Variants in LARGE1 observed in about 807,000 individuals in gnomAD.
LARGE1 encodes the protein xylosyl- and glucuronyltransferase LARGE1.
A neutral mutation model predicts 87.6 loss-of-function variants in LARGE1; 43 were observed. The observed-to-expected ratio is 0.49, with a 90% CI of 0.38 to 0.63. The LOEUF (loss-of-function observed/expected upper bound fraction) is 0.63, where lower values mean the gene tolerates loss of function less well. Ranked by LOEUF, LARGE1 falls within the 30% of genes least tolerant of loss-of-function variation. The probability of loss-of-function intolerance (pLI) is 0.00; values close to 1 mark genes in which losing one functional copy is unlikely to be tolerated. For missense variants in LARGE1, 802 were observed against 1,000.2 expected (o/e 0.80, Z 2.67); for synonymous variants, 434 against 394.6 (o/e 1.10, Z -1.18).
chr22:33,232,063 G>C (rs1926032553), intron 11 of LARGE1, among the ~76,000 whole-genome samples: 1 of 152,104 alleles, frequency 6.6e-6, no homozygotes. Flanking sequence ...GTTAGCAGAG[G>C]GGTCAGGATT....
At chr22:33,472,323 A>G (rs1221202181) in intron 6 of LARGE1, among the ~76,000 whole-genome samples, 1 of 152,226 alleles carries the variant, frequency 6.6e-6, no homozygotes, top group African/African-American at 2.4e-5. Context: ...GGAGACAAAG[A>G]GAGAGACAGG....
chr22:33,166,769 G>A (rs1291144185), exon 12 of LARGE1: 1 of 471,394 alleles, frequency 2.1e-6, no homozygotes, highest in Non-Finnish European at 4.4e-6. Flanking sequence ...ACAATTATAG[G>A]CATGTGTTTG....
chr22:33,897,622 C>T (rs1003627244), intron 1 of LARGE1, among the ~76,000 whole-genome samples: 11 of 152,220 alleles, frequency 7.2e-5, no homozygotes, highest in Non-Finnish European at 1.5e-4. Flanking sequence ...GCGGAACCTA[C>T]AGACAGCCAA....
chr22:33,317,123 A>C, intron 10 of LARGE1, among the ~76,000 whole-genome samples: 1 of 152,146 alleles, frequency 6.6e-6, no homozygotes, highest in Non-Finnish European at 1.5e-5. Flanking sequence ...CTGAGGCAGG[A>C]GAATCTCCTG....
chr22:33,479,153 G>A (rs77950631), intron 6 of LARGE1, among the ~76,000 whole-genome samples: 1,526 of 152,308 alleles, frequency 0.01, 26 homozygotes, highest in African/African-American at 0.035. Flanking sequence ...ACTGGGGGGC[G>A]AGGTCTCCCA....
chr22:33,908,751 T>C (rs2065533187), intron 1 of LARGE1, among the ~76,000 whole-genome samples: 2 of 152,164 alleles, frequency 1.3e-5, no homozygotes, highest in African/African-American at 4.8e-5. Flanking sequence ...ATTATCCTAT[T>C]TGAGAAATTC....
At chr22:33,767,441 G>GTA (rs1479195421) in intron 1 of LARGE1, among the ~76,000 whole-genome samples, 9 of 148,444 alleles carry the variant, frequency 6.1e-5, no homozygotes, top group East Asian at 3.9e-4. Context: ...GTATATATAT[G>GTA]TATATATATA....
intron 2 of LARGE1, among the ~76,000 whole-genome samples, chr22:33,698,064 C>A (rs2082304072): frequency 6.6e-6 from 1 of 152,066 alleles, no homozygotes; most frequent in Non-Finnish European, 1.5e-5. Context: ...TGTGGACAAA[C>A]CCTTACTTAT....
intron 1 of LARGE1, among the ~76,000 whole-genome samples, chr22:33,880,911 T>C (rs2064660942): frequency 6.6e-6 from 1 of 152,182 alleles, no homozygotes; most frequent in South Asian, 2.1e-4. Flanking sequence ...TGAATGTACT[T>C]TTTATTAGAA....
intron 6 of LARGE1, among the ~76,000 whole-genome samples, chr22:33,511,528 C>A (rs2071055317): frequency 6.6e-6 from 1 of 152,190 alleles, no homozygotes; most frequent in African/African-American, 2.4e-5. Context: ...ACCAGTGGGA[C>A]TGATCTCATG....
At chr22:33,506,705 A>G (rs989806359) in intron 6 of LARGE1, among the ~76,000 whole-genome samples, 1 of 152,182 alleles carries the variant, frequency 6.6e-6, no homozygotes, top group Non-Finnish European at 1.5e-5. Flanking sequence ...GTTCGAGACC[A>G]GCCTGGCCAA....
At chr22:33,077,751 G>T in the LARGE1 span, among the ~76,000 whole-genome samples, 58 of 152,138 alleles carry the variant, frequency 3.8e-4, no homozygotes, top group East Asian at 0.01. Flanking sequence ...TATGCTTTTT[G>T]GTTTACTGTC....
chr22:33,829,228 C>T (rs538181357), intron 1 of LARGE1, among the ~76,000 whole-genome samples: 3 of 151,950 alleles, frequency 2.0e-5, no homozygotes, highest in Admixed American at 1.3e-4. Flanking sequence ...AGGCTGGTCT[C>T]GAACTCCTGA....
intron 7 of LARGE1, among the ~76,000 whole-genome samples, chr22:33,413,246 C>T (rs2066374523): frequency 6.6e-6 from 1 of 152,066 alleles, no homozygotes; most frequent in South Asian, 2.1e-4. Context: ...GCAACTGAAC[C>T]ACTCTTTCTG....
chr22:33,575,846 C>T (rs543919533), intron 5 of LARGE1, among the ~76,000 whole-genome samples: 1 of 152,292 alleles, frequency 6.6e-6, no homozygotes, highest in East Asian at 1.9e-4. Context: ...AAAACCCCTT[C>T]CTCTCTCATC....
At chr22:33,278,442 A>T (rs1287724324) in intron 13 of LARGE1, among the ~76,000 whole-genome samples, 5 of 152,132 alleles carry the variant, frequency 3.3e-5, no homozygotes, top group Admixed American at 1.3e-4. Flanking sequence ...TGTTTGTGGT[A>T]ATTTGTTATA....
chr22:33,190,499 C>G (rs983774138), intron 11 of LARGE1, among the ~76,000 whole-genome samples: 1 of 152,144 alleles, frequency 6.6e-6, no homozygotes, highest in African/African-American at 2.4e-5. Context: ...CCTCATAATA[C>G]CCACATTTGC....
At chr22:33,323,247 T>G (rs1260514401) in intron 10 of LARGE1, among the ~76,000 whole-genome samples, 1 of 152,256 alleles carries the variant, frequency 6.6e-6, no homozygotes, top group Non-Finnish European at 1.5e-5. Context: ...GAAGCCATCC[T>G]TGAACTTGCA....
chr22:33,917,761 A>G (rs144169972), intron 1 of LARGE1, among the ~76,000 whole-genome samples: 29 of 152,306 alleles, frequency 1.9e-4, no homozygotes, highest in African/African-American at 7.0e-4. Context: ...CCAAATGACA[A>G]TTTAGATGTG....
Sources: allele counts gnomAD v4.1 joint callset (sites outside exome capture counted in the v4.1 genomes callset), GRCh38; gene constraint gnomAD v4.1.1; transcripts MANE v1.5; gene names NCBI Gene and HGNC (gene_info 2026-07-23, HGNC 2026-07-21).